CLUH: variants seen among roughly 807,000 people sequenced by gnomAD.
The protein encoded by CLUH is clustered mitochondria protein homolog.
A neutral mutation model predicts 139.3 loss-of-function variants in CLUH; 77 were observed. The observed-to-expected ratio is 0.55, with a 90% CI of 0.46 to 0.67. The LOEUF (loss-of-function observed/expected upper bound fraction) is 0.67, where lower values mean the gene tolerates loss of function less well. CLUH is among the 30% of genes least tolerant of loss of function. The probability of loss-of-function intolerance (pLI) is 0.00; values close to 1 mark genes in which losing one functional copy is unlikely to be tolerated. For missense variants in CLUH, 1,876 were observed against 1,875.8 expected (o/e 1.00, Z 0.00); for synonymous variants, 999 against 801.6 (o/e 1.25, Z -4.16).
rs1445249995 is a variant in CLUH, at chr17:2,698,608, G to A, written c.1267-18C>T. 6.4e-7 allele frequency: 1 copy of A among 1,568,522 alleles called. No homozygotes were observed. The highest frequency in any genetic ancestry group is 8.7e-7 in the Non-Finnish European group (1 of 1,156,010). Reference sequence around the variant, plus strand: ...CTGTGCACCTGGCGGGGGTCGAGGAGGGCAGGGTTAGAGGCCGCGCCCACA... The same window carrying A: ...CTGTGCACCTGGCGGGGGTCGAGGAAGGCAGGGTTAGAGGCCGCGCCCACA... On this transcript the variant is annotated intron_variant, in intron 9 of 25. Transcript: ENST00000651024.
intron 9 of CLUH, among the ~76,000 whole-genome samples, chr17:2,699,765 G>A (rs372858208): frequency 8.2e-4 from 125 of 152,184 alleles, no homozygotes; most frequent in African/African-American, 2.8e-3. Context: ...CCGAGTAGCT[G>A]GGACTACAGG....
rs983867180 is a variant in CLUH at position 2,706,960 on chromosome 17, C to T, written c.101-2396G>A. Among the ~76,000 whole-genome samples the T allele has an allele frequency of 2.6e-5, 4 of 152,202 alleles. No individual in the cohort carries two copies. ...GTGGCCGCGGCTCCCACTCTCCTTC[C>T]CCAGCCCAGGGAGACGACCCTCAGG... On this transcript the variant is annotated intron_variant, in intron 1 of 25. Coordinates refer to ENST00000651024, the MANE Select transcript of CLUH (RefSeq NM_001366661.1). The surrounding 1 kb of genome is among the most constrained non-coding windows in gnomAD (Gnocchi z 4.6).
In CLUH at chr17:2,700,140, G is replaced by A. The variant is rs536249628; in HGVS notation, c.1266+242C>T. Among the ~76,000 whole-genome samples the A allele has an allele frequency of 3.5e-4, 54 of 152,360 alleles. 1 individual carries two copies. The highest frequency in any genetic ancestry group is 1.2e-3 in the Admixed American group (18 of 15,304). On this transcript the variant is annotated intron_variant, in intron 9 of 25. Transcript: ENST00000651024. ...ACGGCCCTGGACACTCAGTCCCTAT[G>A]GGAAGTAGGGCCCGCTCCTTCCAGG...
At chr17:2,697,812 C>CA in intron 10 of CLUH, 84 bp downstream of exon 10, 1 of 1,313,604 alleles carries the variant, frequency 7.6e-7, no homozygotes, top group South Asian at 1.5e-5. Context: ...CTTCTCCCTT[C>CA]AAGGACCCAA....
chr17:2,691,225 A>C (rs1444410253), intron 25 of CLUH, among the ~76,000 whole-genome samples: 1 of 152,166 alleles, frequency 6.6e-6, no homozygotes, highest in African/African-American at 2.4e-5. Flanking sequence ...TGTGAAGCAG[A>C]AACACCAAGG....
chr17:2,691,930 TGCCCCCGCG>T, intron 23 of CLUH, 35 bp from the exon 24 acceptor site: 2 of 1,106,296 alleles, frequency 1.8e-6, no homozygotes, highest in Non-Finnish European at 2.3e-6. Context: ...GGCCCCCCCG[TGCCCCCGCG>T]GCCCCGCCCC....
intron 10 of CLUH, among the ~76,000 whole-genome samples, chr17:2,697,259 C>T (rs969421923): frequency 6.6e-6 from 1 of 152,070 alleles, no homozygotes; most frequent in Non-Finnish European, 1.5e-5. Context: ...ATTAGCTGGG[C>T]GTGGTGGTGC....
rs1433504419 is a variant in CLUH, at chr17:2,691,946, CCCCCG to C, written c.3654+53_3655-52del. ...GCCCCCCCGTGCCCCCGCGGCCCCG[CCCCCG>C]CCCCGCCACGCCCCCGCCCCGCCCC... On this transcript the variant is annotated intron_variant, in intron 23 of 25. Coordinates refer to ENST00000651024, the MANE Select transcript of CLUH (RefSeq NM_001366661.1). The C allele has an allele frequency of 1.1e-3, 1,298 of 1,184,166 alleles. 10 individuals carry two copies. Among genetic ancestry groups the C allele is most frequent in the Non-Finnish European group, 1.3e-3 (1,150 of 914,360 alleles). 73.4% of individuals were successfully genotyped at this position (1,184,166 alleles called of 1,614,324 possible).
rs1597603373 is a variant in CLUH at position 2,694,619 on chromosome 17, A to C, written c.2853-55T>G. ...CCAAGCACCGCCGGGCCCCCCCAAC[A>C]CCGCCCCACCCAGCTCCCCAACGCT... On this transcript the variant is annotated intron_variant, in intron 16 of 25. Transcript: ENST00000651024. The C allele has an allele frequency of 3.4e-6, 5 of 1,456,166 alleles. No individual in the cohort carries two copies. In the South Asian group the frequency reaches 3.7e-5, roughly 11 times the overall value. The allele number at this position is 1,456,166 out of a possible 1,614,324, so 90.2% of individuals were successfully genotyped here.
In CLUH at chr17:2,701,596, C is replaced by A. The variant is rs1021305836; in HGVS notation, c.744+17G>T. ...ACCCCGCCAGGGACCCTCTTCCTCC[C>A]TCCCCCAGGATCCTACCTTCCAGTC... On this transcript the variant is annotated intron_variant, in intron 5 of 25. Coordinates refer to ENST00000651024, the MANE Select transcript of CLUH (RefSeq NM_001366661.1). 6.2e-7 allele frequency: 1 copy of A among 1,610,520 alleles called. No individual in the cohort carries two copies. Among genetic ancestry groups the A allele is most frequent in the East Asian group, 2.2e-5 (1 of 44,768 alleles).
chr17:2,691,425 G>A (rs545381027), intron 25 of CLUH, 184 bp downstream of exon 25: 1 of 607,788 alleles, frequency 1.6e-6, no homozygotes, highest in South Asian at 1.9e-5. Flanking sequence ...AGCCGGGCGA[G>A]GTGGCGGACA....
Position 2,697,895 on chromosome 17 carries a change from C to T in CLUH, c.1961+1G>A. ...CCTGGTCCGGCAGGGCCGCCCCTCACCTGTGCTCCACGAAGGCGTCCACCA... is the reference window on the plus strand; with the variant it reads ...CCTGGTCCGGCAGGGCCGCCCCTCATCTGTGCTCCACGAAGGCGTCCACCA... On this transcript the variant is annotated splice_donor_variant, in intron 10 of 25. Coordinates refer to ENST00000651024, the MANE Select transcript of CLUH (RefSeq NM_001366661.1). LOFTEE classifies it high-confidence loss of function. The T allele has an allele frequency of 6.7e-7, 1 of 1,496,082 alleles. No homozygotes were observed. Among genetic ancestry groups the T allele is most frequent in the Non-Finnish European group, 8.9e-7 (1 of 1,122,692 alleles). 92.7% of individuals were successfully genotyped at this position (1,496,082 alleles called of 1,614,324 possible). A position where few individuals can be genotyped will look rare whatever the true frequency, so the allele number is the denominator to read the frequency against.
chr17:2,694,963 G>T lies in CLUH; in HGVS notation c.2746C>A (p.Pro916Thr), dbSNP rs563650432. The change falls in exon 16 of 26, where the codon CCC (proline) becomes ACC (threonine). Residue 916 changes from proline to threonine, a missense_variant. By Grantham distance (38) the Pro-to-Thr change is conservative. Around this residue, in one of 3 missense-constraint regions of CLUH, gnomAD observed 1,454 missense variants for 1,384.4 expected, o/e 1.05. Transcript: ENST00000651024. Reference protein sequence around the residue: ...KKRNKRRKNRPPGAADNTAWA... With the variant: ...KKRNKRRKNRTPGAADNTAWA... ...GCTGTGTTATCTGCAGCCCCCGGGG[G>T]CCGGTTTTTCCTCCTCTTATTCCGC... 5.0e-6 allele frequency: 8 copies of T among 1,612,974 alleles called. No homozygotes were observed. The African/African-American group carries it at 9.3e-5, about 19-fold the overall frequency.
chr17:2,700,533 G>A (rs559255191), intron 8 of CLUH, 59 bp from the exon 9 acceptor site: 19 of 1,568,236 alleles, frequency 1.2e-5, no homozygotes, highest in South Asian at 3.4e-5. Flanking sequence ...ACCTGCTCCC[G>A]GAAGTCGCTC....
In CLUH at chr17:2,692,555, C is replaced by A. The variant is rs545119590; in HGVS notation, c.3438+16G>T. On this transcript the variant is annotated intron_variant, in intron 21 of 25. Transcript: ENST00000651024. Reference sequence around the variant, plus strand: ...ATGGAGCTGGGTCCCTGCCGCCCCCCCGCCCCAGCACTCACGTCCAGCAGC... The same window carrying A: ...ATGGAGCTGGGTCCCTGCCGCCCCCACGCCCCAGCACTCACGTCCAGCAGC... The A allele has an allele frequency of 6.2e-6, 10 of 1,606,298 alleles. No homozygotes were observed. Among genetic ancestry groups the A allele is most frequent in the Admixed American group, 1.7e-5 (1 of 59,774 alleles).
At chr17:2,691,978 GC>G (rs763475860) in intron 23 of CLUH, 25 bp downstream of exon 23, 8,288 of 486,446 alleles carry the variant, frequency 0.017, 219 homozygotes, top group African/African-American at 0.048. Context: ...CCCCGCCCCC[GC>G]CCCCGCCACG....
At chr17:2,693,652 C>T (rs888669884) in intron 19 of CLUH, among the ~76,000 whole-genome samples, 3 of 152,122 alleles carry the variant, frequency 2.0e-5, no homozygotes, top group Non-Finnish European at 2.9e-5. Flanking sequence ...AGGAGGCGTC[C>T]TTGCTGACGC....
rs1050019177 is a variant in CLUH, at chr17:2,691,741, C to T, written c.3789+20G>A. The T allele has an allele frequency of 1.2e-5, 19 of 1,596,770 alleles. No homozygotes were observed. The highest frequency in any genetic ancestry group is 1.6e-5 in the Non-Finnish European group (19 of 1,172,116). ...TCCCGCGCTCGCCGGGCCGGAGGGG[C>T]CGCTCCGCCCCGGACTCACCTTGAG... is the stretch of plus-strand genomic sequence containing the variant. On this transcript the variant is annotated intron_variant, in intron 24 of 25. Transcript: ENST00000651024.
Position 2,691,944 on chromosome 17 carries a change from CGCCCCCGCCCCGCCA to C in CLUH, c.3654+45_3655-50del, listed in dbSNP as rs1567575537. On this transcript the variant is annotated intron_variant, in intron 23 of 25. Transcript: ENST00000651024. ...AGGCCCCCCCGTGCCCCCGCGGCCCCGCCCCCGCCCCGCCACGCCCCCGCCCCGCCCCCGCCCCCG... is the reference window on the plus strand; with the variant it reads ...AGGCCCCCCCGTGCCCCCGCGGCCCCCGCCCCCGCCCCGCCCCCGCCCCCG... The C allele has an allele frequency of 8.6e-5, 102 of 1,183,726 alleles. 1 individual carries two copies. Among genetic ancestry groups the C allele is most frequent in the African/African-American group, 2.5e-4 (13 of 51,860 alleles). 73.3% of individuals were successfully genotyped at this position (1,183,726 alleles called of 1,614,324 possible). A position where few individuals can be genotyped will look rare whatever the true frequency, so the allele number is the denominator to read the frequency against.
Sources: gnomAD v4.1 joint callset for allele counts (sites outside exome capture counted in the v4.1 genomes callset) on GRCh38, gnomAD v4.1.1 for gene constraint, gnomAD v4.1.1 regional missense constraint, Gnocchi (gnomAD v3.1) non-coding constraint, MANE v1.5 for transcripts, NCBI Gene and HGNC (gene_info 2026-07-23, HGNC 2026-07-21) for gene names.